ZNF385D: variants seen among roughly 807,000 people sequenced by gnomAD.
ZNF385D encodes zinc finger protein 659.
Under a neutral mutation model 35.8 loss-of-function variants are expected in ZNF385D, and 15 were observed. The observed-to-expected ratio is 0.42, with a 90% CI of 0.28 to 0.64. The LOEUF is 0.64. ZNF385D is among the 30% of genes least tolerant of loss of function. The pLI is 0.23. For missense variants in ZNF385D, 474 were observed against 494.6 expected (o/e 0.96, Z 0.39); for synonymous variants, 212 against 186.8 (o/e 1.13, Z -1.10).
chr3:21,886,622 G>T (rs1375838968), intron 3 of ZNF385D, among the ~76,000 whole-genome samples: 3 of 152,036 alleles, frequency 2.0e-5, no homozygotes, highest in East Asian at 3.9e-4. Flanking sequence ...ATCTTAAAAT[G>T]CTACATTGTC....
intron 3 of ZNF385D, among the ~76,000 whole-genome samples, chr3:21,812,469 T>C (rs560726995): frequency 3.3e-5 from 5 of 152,356 alleles, no homozygotes; most frequent in Admixed American, 2.6e-4. Context: ...TGATAGACGC[T>C]ACCTGGAAAA....
intron 2 of ZNF385D, among the ~76,000 whole-genome samples, chr3:22,219,209 A>C (rs1358070383): frequency 1.3e-5 from 2 of 152,056 alleles, no homozygotes; most frequent in African/African-American, 4.8e-5. Context: ...ATTTGTCACA[A>C]TTTCTGTAAA....
chr3:21,426,453 T>G (rs1350788637), intron 5 of ZNF385D, among the ~76,000 whole-genome samples: 1 of 152,200 alleles, frequency 6.6e-6, no homozygotes, highest in Non-Finnish European at 1.5e-5. Context: ...TGTGTTTTGT[T>G]TTCTTGAGAT....
intron 2 of ZNF385D, among the ~76,000 whole-genome samples, chr3:22,299,007 T>C (rs114593857): frequency 9.6e-4 from 146 of 152,106 alleles, no homozygotes; most frequent in Middle Eastern, 3.4e-3. Flanking sequence ...GGTCCTTTTA[T>C]GATTACAATA....
At chr3:21,443,270 A>C (rs411674) in intron 4 of ZNF385D, 929,342 of 985,220 alleles carry the variant, frequency 0.94, 438,326 homozygotes, top group East Asian at 1. Context: ...AGGCTCAAGG[A>C]TGATTCAGGT....
chr3:22,300,567 T>C (rs916243888), intron 2 of ZNF385D, among the ~76,000 whole-genome samples: 1 of 151,784 alleles, frequency 6.6e-6, no homozygotes, highest in African/African-American at 2.4e-5. Flanking sequence ...ACCCAACATA[T>C]ATAACAAACT....
intron 3 of ZNF385D, among the ~76,000 whole-genome samples, chr3:21,870,758 T>C (rs1292717076): frequency 6.6e-6 from 1 of 152,158 alleles, no homozygotes; most frequent in African/African-American, 2.4e-5. Flanking sequence ...ATTTCTGCTC[T>C]GTGAACTGGC....
At chr3:22,101,900 GT>G (rs1459294967) in intron 3 of ZNF385D, among the ~76,000 whole-genome samples, 1 of 151,554 alleles carries the variant, frequency 6.6e-6, no homozygotes, top group Non-Finnish European at 1.5e-5. Flanking sequence ...GGGAGGCAAA[GT>G]GATTTACTCA....
At chr3:21,775,127 G>A (rs1300008306) in intron 3 of ZNF385D, among the ~76,000 whole-genome samples, 3 of 151,860 alleles carry the variant, frequency 2.0e-5, no homozygotes, top group Non-Finnish European at 4.4e-5. Flanking sequence ...AGTGACTCAA[G>A]AAGCAGGAAA....
intron 3 of ZNF385D, among the ~76,000 whole-genome samples, chr3:21,789,995 G>C (rs1238833520): frequency 7.2e-5 from 11 of 152,150 alleles, no homozygotes; most frequent in Non-Finnish European, 1.2e-4. Context: ...GCTGTTACTA[G>C]CCTCAGATAG....
At chr3:22,037,098 A>G (rs936301733) in intron 3 of ZNF385D, among the ~76,000 whole-genome samples, 2 of 151,904 alleles carry the variant, frequency 1.3e-5, no homozygotes, top group African/African-American at 4.8e-5. Context: ...CATTTTCTTA[A>G]TCCAGTCTAT....
chr3:22,241,943 A>G (rs1311691716), intron 2 of ZNF385D, among the ~76,000 whole-genome samples: 1 of 150,710 alleles, frequency 6.6e-6, no homozygotes, highest in Non-Finnish European at 1.5e-5. Context: ...AGAAGGGACA[A>G]CTACTTTAAA....
intron 4 of ZNF385D, among the ~76,000 whole-genome samples, chr3:21,489,099 TA>T (rs1409558831): frequency 1.1e-4 from 16 of 152,224 alleles, no homozygotes; most frequent in African/African-American, 3.8e-4. Context: ...AAAATGCTGC[TA>T]AATAATAAGG....
Position 22,239,934 on chromosome 3 carries a change from T to C in ZNF385D, c.107-70899A>G, listed in dbSNP as rs550019340. ...GCCCACGCCTATAATCACAGCACTT[T>C]GGGAGACCAAGACAGGTGGATCACT... On this transcript the variant is annotated intron_variant, in intron 2 of 5. Transcript: ENST00000494108. Among the ~76,000 whole-genome samples, 3 of 150,174 alleles carry C rather than the reference T, an allele frequency of 2.0e-5. No homozygotes were observed. The East Asian group carries it at 6.0e-4, about 30-fold the overall frequency.
At chr3:21,827,521 C>T (rs968431399) in intron 3 of ZNF385D, among the ~76,000 whole-genome samples, 7 of 152,092 alleles carry the variant, frequency 4.6e-5, no homozygotes, top group Admixed American at 6.5e-5. Flanking sequence ...TTTACTTATA[C>T]GTCAAGATGC....
intron 3 of ZNF385D, among the ~76,000 whole-genome samples, chr3:21,922,541 G>A (rs1700522056): frequency 6.6e-6 from 1 of 152,022 alleles, no homozygotes; most frequent in Non-Finnish European, 1.5e-5. Context: ...AATGAGGAAA[G>A]GACTCCTATT....
chr3:21,867,829 G>T (rs1697456125), intron 3 of ZNF385D, among the ~76,000 whole-genome samples: 3 of 151,812 alleles, frequency 2.0e-5, no homozygotes, highest in African/African-American at 4.8e-5. Flanking sequence ...TAAGATGATA[G>T]AAATGTTCTC....
intron 3 of ZNF385D, among the ~76,000 whole-genome samples, chr3:21,801,927 G>A (rs183755743): frequency 1.1e-3 from 171 of 152,068 alleles, no homozygotes; most frequent in African/African-American, 3.5e-3. Context: ...GTTTTTTCCC[G>A]TTTCTAATGA....
intron 3 of ZNF385D, among the ~76,000 whole-genome samples, chr3:21,954,879 A>G (rs1289346797): frequency 6.6e-6 from 1 of 152,132 alleles, no homozygotes; most frequent in Non-Finnish European, 1.5e-5. Flanking sequence ...AAAATATGAC[A>G]TAATGAAAAG....
Sources: allele counts gnomAD v4.1 joint callset (sites outside exome capture counted in the v4.1 genomes callset), GRCh38; gene constraint gnomAD v4.1.1; transcripts MANE v1.5; gene names NCBI Gene and HGNC (gene_info 2026-07-23, HGNC 2026-07-21).